The following ADGRB3 variants were observed in gnomAD, a reference collection of about 807,000 sequenced individuals.
ADGRB3 encodes the protein adhesion G protein-coupled receptor B3, also known as brain-specific angiogenesis inhibitor 3.
A neutral mutation model predicts 193.4 loss-of-function variants in ADGRB3; 37 were observed. The observed-to-expected ratio is 0.19, with a 90% confidence interval of 0.15 to 0.25. ADGRB3 has a LOEUF of 0.25. Among genes scored for constraint, ADGRB3 ranks in the 10% least tolerant of loss-of-function variants. The probability of loss-of-function intolerance (pLI) is 1.00; values close to 1 mark genes in which losing one functional copy is unlikely to be tolerated. For synonymous variants in ADGRB3, 690 were observed against 644.2 expected, an observed-to-expected ratio of 1.07 and a Z score of -1.08; for missense variants, 1,637 against 1,852.9, an observed-to-expected ratio of 0.88 and a Z score of 2.14.
intron 20 of ADGRB3, among the ~76,000 whole-genome samples, chr6:69,322,473 TA>T (rs1768480341): frequency 6.6e-6 from 1 of 151,884 alleles, no homozygotes; most frequent in Admixed American, 6.6e-5. Context: ...CCACCAACAG[TA>T]TATAAACCTT....
intron 20 of ADGRB3, among the ~76,000 whole-genome samples, chr6:69,267,827 T>G (rs994169076): frequency 6.6e-6 from 1 of 152,018 alleles, no homozygotes; most frequent in Non-Finnish European, 1.5e-5. Context: ...GATATTGAGT[T>G]TTTTCCCGAC....
intron 11 of ADGRB3, among the ~76,000 whole-genome samples, chr6:69,005,143 G>A (rs1403723657): frequency 1.3e-5 from 2 of 151,776 alleles, no homozygotes; most frequent in Non-Finnish European, 2.9e-5. Flanking sequence ...CTGTCTCTGG[G>A]GAAAAAATCA....
chr6:68,794,671 T>G (rs1767172739), intron 3 of ADGRB3, among the ~76,000 whole-genome samples: 1 of 152,160 alleles, frequency 6.6e-6, no homozygotes. Context: ...TTTAGTTGCT[T>G]TATTCCCTTT....
chr6:69,195,522 C>CAAAAA (rs542731165), intron 17 of ADGRB3, among the ~76,000 whole-genome samples: 1 of 65,116 alleles, frequency 1.5e-5, no homozygotes, highest in Non-Finnish European at 3.4e-5. Flanking sequence ...TATCCTGTCT[C>CAAAAA]AAAAAAAAAA....
chr6:68,740,353 T>G (rs1188468478), intron 3 of ADGRB3, among the ~76,000 whole-genome samples: 1 of 152,126 alleles, frequency 6.6e-6, no homozygotes, highest in African/African-American at 2.4e-5. Context: ...AGCCCAGGAG[T>G]TGGAGACCAG....
intron 3 of ADGRB3, among the ~76,000 whole-genome samples, chr6:68,903,993 A>T (rs992027051): frequency 2.5e-5 from 1 of 40,318 alleles, no homozygotes; most frequent in Non-Finnish European, 5.2e-5. Flanking sequence ...AGACAATATG[A>T]AAAAAAAAAA....
At chr6:68,766,265 T>C (rs778874150) in intron 3 of ADGRB3, among the ~76,000 whole-genome samples, 36 of 152,148 alleles carry the variant, frequency 2.4e-4, no homozygotes, top group Non-Finnish European at 5.0e-4. Context: ...TCAGATTATT[T>C]ATTTTCAATG....
chr6:69,139,364 C>G (rs188579267), intron 17 of ADGRB3, among the ~76,000 whole-genome samples: 236 of 152,226 alleles, frequency 1.6e-3, no homozygotes, highest in African/African-American at 5.1e-3. Flanking sequence ...CCTGTTAGTA[C>G]AAAAAGTAAC....
intron 6 of ADGRB3, among the ~76,000 whole-genome samples, chr6:68,950,163 C>G (rs1253921788): frequency 6.6e-6 from 1 of 152,050 alleles, no homozygotes; most frequent in East Asian, 1.9e-4. Flanking sequence ...CAAGCATCCT[C>G]CCACCTCAGC....
At chr6:68,868,911 A>ATGTGTGTGTG (rs375255522) in intron 3 of ADGRB3, among the ~76,000 whole-genome samples, 5,280 of 139,592 alleles carry the variant, frequency 0.038, 276 homozygotes, top group East Asian at 0.24. Context: ...CCAGATAATG[A>ATGTGTGTGTG]TGTGTGTGTG....
chr6:68,931,535 A>G (rs977896793), intron 4 of ADGRB3, among the ~76,000 whole-genome samples: 3 of 152,098 alleles, frequency 2.0e-5, no homozygotes, highest in Admixed American at 6.6e-5. Flanking sequence ...AGTTTTATCT[A>G]TGTCTTAAAA....
chr6:68,638,756 C>T lies in ADGRB3; in HGVS notation c.81C>T (p.Asp27=). The part of the protein sequence containing the change: ...LVMFGFNAAQ[D]FWCSTLVKGV... ...TGTTTGGATTTAATGCTGCCCAAGA[C>T]TTCTGGTGTTCAACTTTGGTGAAGG... Residue 27 remains aspartate, a synonymous_variant, in exon 3 of 32, where the codon GAC becomes GAT. Coordinates refer to ENST00000370598, the MANE Select transcript of ADGRB3 (RefSeq NM_001704.3). The T allele has an allele frequency of 6.2e-7, 1 of 1,614,158 alleles. No individual in the cohort carries two copies.
Position 68,746,710 on chromosome 6 carries a change from G to A in ADGRB3, c.757+107278G>A, listed in dbSNP as rs1023212784. On this transcript the variant is annotated intron_variant, in intron 3 of 31. Coordinates refer to ENST00000370598, the MANE Select transcript of ADGRB3 (RefSeq NM_001704.3). ...TTGTCCCTGGTCTGTAGTTTTTCTC[G>A]GTCTCTCCAAAAACATTCACTTGAT... Among the ~76,000 whole-genome samples the A allele has an allele frequency of 6.7e-5, 10 of 150,186 alleles. No homozygotes were observed. The East Asian group carries it at 1.2e-3, about 17-fold the overall frequency.
chr6:68,993,233 C>G (rs1582378198), intron 10 of ADGRB3, among the ~76,000 whole-genome samples: 1 of 151,988 alleles, frequency 6.6e-6, no homozygotes, highest in South Asian at 2.1e-4. Flanking sequence ...GGTTTTCAAT[C>G]ATGTCATAGT....
At chr6:69,037,220 C>G (rs1211686541) in intron 13 of ADGRB3, among the ~76,000 whole-genome samples, 1 of 152,106 alleles carries the variant, frequency 6.6e-6, no homozygotes, top group African/African-American at 2.4e-5. Context: ...GGAAAGACTG[C>G]AGAAGAAAGT....
At chr6:69,341,126 T>C (rs550830818) in intron 26 of ADGRB3, among the ~76,000 whole-genome samples, 14 of 152,338 alleles carry the variant, frequency 9.2e-5, no homozygotes, top group African/African-American at 3.1e-4. Context: ...TTTGGGTATA[T>C]ACCCAGTAAT....
intron 17 of ADGRB3, among the ~76,000 whole-genome samples, chr6:69,120,562 A>G (rs891237890): frequency 6.6e-6 from 1 of 152,224 alleles, no homozygotes; most frequent in African/African-American, 2.4e-5. Context: ...TGGTAGTGGT[A>G]CTGATGTCAA....
At chr6:68,860,195 G>T (rs931156879) in intron 3 of ADGRB3, among the ~76,000 whole-genome samples, 1 of 151,846 alleles carries the variant, frequency 6.6e-6, no homozygotes, top group African/African-American at 2.4e-5. Flanking sequence ...GCCTCACACA[G>T]ATATATATAT....
At position 69,040,307 on chromosome 6, in the gene ADGRB3, CTCTTTCTT is replaced by C. The variant is rs58811960; in HGVS notation, c.2108-7815_2108-7808del. Among the ~76,000 whole-genome samples the C allele has an allele frequency of 3.0e-3, 287 of 94,792 alleles. 4 individuals are homozygous for C. Among genetic ancestry groups the C allele is most frequent in the African/African-American group, 6.2e-3 (139 of 22,432 alleles). The allele number at this position is 94,792 out of a possible 152,430, so 62.2% of individuals were successfully genotyped here. A position where few individuals can be genotyped will look rare whatever the true frequency, so the allele number is the denominator to read the frequency against. On this transcript the variant is annotated intron_variant, in intron 13 of 31. Coordinates refer to ENST00000370598, the MANE Select transcript of ADGRB3 (RefSeq NM_001704.3). ...TTTTTGCCTTCCTTCCTTTCTCTGTCTCTTTCTTTCTTTCTTTCTTTCTTTCTTTCTTT... is the reference window on the plus strand; with the variant it reads ...TTTTTGCCTTCCTTCCTTTCTCTGTCTCTTTCTTTCTTTCTTTCTTTCTTT...
Sources: allele counts gnomAD v4.1 joint callset (sites outside exome capture counted in the v4.1 genomes callset), GRCh38; gene constraint gnomAD v4.1.1; transcripts MANE v1.5; gene names NCBI Gene and HGNC (gene_info 2026-07-23, HGNC 2026-07-21).